The following ACBD5 variants were observed in gnomAD, a reference collection of about 807,000 sequenced individuals.
ACBD5 encodes acyl-CoA binding domain containing 5.
A neutral mutation model predicts 71.8 loss-of-function variants in ACBD5; 40 were observed. That is an observed-to-expected ratio of 0.56 (90% confidence interval 0.43 to 0.72). The LOEUF is 0.72. ACBD5 is among the 30% of genes least tolerant of loss of function. The pLI is 0.00. For synonymous variants in ACBD5, 229 were observed against 218.6 expected, an observed-to-expected ratio of 1.05 and a Z score of -0.42; for missense variants, 559 against 644.5, an observed-to-expected ratio of 0.87 and a Z score of 1.44.
At chr10:27,199,923 A>G (rs1027504272) in intron 12 of ACBD5, among the ~76,000 whole-genome samples, 9 of 151,958 alleles carry the variant, frequency 5.9e-5, no homozygotes, top group Non-Finnish European at 1.2e-4. Context: ...TGGGAGGCGG[A>G]GCTTGCAGTA....
In ACBD5 at chr10:27,215,648, A is replaced by G. The variant is rs2137255385; in HGVS notation, c.830-7T>C. Reference sequence around the variant, plus strand: ...ACATGATCATCATTTATATCTAAATATGAACAAAAGTGCAGATAGGGTAAT... The same window carrying G: ...ACATGATCATCATTTATATCTAAATGTGAACAAAAGTGCAGATAGGGTAAT... On this transcript the variant is annotated splice_region_variant and splice_polypyrimidine_tract_variant and intron_variant, in intron 7 of 12. Coordinates refer to ENST00000396271, the MANE Select transcript of ACBD5 (RefSeq NM_145698.5). 5.0e-6 allele frequency: 8 copies of G among 1,596,714 alleles called. No homozygotes were observed. The highest frequency in any genetic ancestry group is 6.0e-6 in the Non-Finnish European group (7 of 1,165,380).
chr10:27,204,588 T>C (rs1254213412), intron 11 of ACBD5, 39 bp from the exon 12 acceptor site: 1 of 1,413,848 alleles, frequency 7.1e-7, no homozygotes, highest in Non-Finnish European at 1.0e-6. Context: ...ATCTATTCAA[T>C]ACTGCATGTA....
chr10:27,241,325 A>T (rs927439418), upstream of ACBD5, among the ~76,000 whole-genome samples: 1 of 152,210 alleles, frequency 6.6e-6, no homozygotes, highest in Non-Finnish European at 1.5e-5. Context: ...GGCAATCGTG[A>T]CACCCACTCT....
downstream of ACBD5, among the ~76,000 whole-genome samples, chr10:27,192,341 G>A (rs1204406541): frequency 6.6e-6 from 1 of 151,980 alleles, no homozygotes; most frequent in Non-Finnish European, 1.5e-5. Context: ...AGATGGGGTG[G>A]CTTAAACACT....
chr10:27,194,036 A>T (rs372289303), downstream of ACBD5, among the ~76,000 whole-genome samples: 11 of 152,174 alleles, frequency 7.2e-5, no homozygotes, highest in East Asian at 1.5e-3. Flanking sequence ...GAATCACCTG[A>T]GGTTGGGAGT....
intron 12 of ACBD5, 73 bp from the exon 13 acceptor site, chr10:27,197,515 A>C: frequency 1.8e-6 from 2 of 1,125,118 alleles, no homozygotes; most frequent in Non-Finnish European, 2.6e-6. Context: ...TAACATAATA[A>C]TAATAACATA....
chr10:27,194,255 TA>T (rs58311546), downstream of ACBD5, among the ~76,000 whole-genome samples: 86,545 of 136,890 alleles, frequency 0.63, 27,809 homozygotes, highest in Non-Finnish European at 0.72. Flanking sequence ...CCGTCTCAAT[TA>T]AAAAAAAAAA....
At chr10:27,199,762 A>C (rs1470796381) in intron 12 of ACBD5, among the ~76,000 whole-genome samples, 2 of 152,134 alleles carry the variant, frequency 1.3e-5, no homozygotes, top group Admixed American at 1.3e-4. Context: ...CATGATAGCA[A>C]TTTAGGAATC....
At chr10:27,191,888 CA>C (rs1025870864), downstream of ACBD5, among the ~76,000 whole-genome samples, 3 of 143,892 alleles carry the variant, frequency 2.1e-5, no homozygotes, top group South Asian at 2.1e-4. Flanking sequence ...AACTCTGAAT[CA>C]AAAAAAAATA....
intron 4 of ACBD5, among the ~76,000 whole-genome samples, chr10:27,230,293 T>A (rs2063680862): frequency 6.6e-6 from 1 of 151,470 alleles, no homozygotes; most frequent in Admixed American, 6.6e-5. Flanking sequence ...CTATGAGCAA[T>A]GTAGAAGAAA....
intron 2 of ACBD5, among the ~76,000 whole-genome samples, chr10:27,236,884 C>CAAAAAAAAAAAAAAAAAAAAAAAAAAAA (rs5783998): frequency 1.1e-5 from 1 of 87,168 alleles, no homozygotes; most frequent in Non-Finnish European, 2.2e-5. Context: ...GACTTGGTCT[C>CAAAAAAAAAAAAAAAAAAAAAAAAAAAA]AAAAAAAAAA....
In ACBD5 at chr10:27,196,453, G is replaced by C. The variant is rs759124311; in HGVS notation, c.*977C>G. 114 of 454,360 alleles carry C rather than the reference G, an allele frequency of 2.5e-4. No homozygotes were observed. Among genetic ancestry groups the C allele is most frequent in the Non-Finnish European group, 4.1e-4 (94 of 226,796 alleles). 28.1% of individuals were successfully genotyped at this position (454,360 alleles called of 1,614,324 possible). ...TCCCTCCAGTACTCCTGTGAAGTAG[G>C]TGTATCTAAAATAGTATACCCCGAA... is the stretch of plus-strand genomic sequence containing the variant. On this transcript the variant is annotated 3_prime_UTR_variant, in exon 13 of 13. Transcript: ENST00000396271.
intron 8 of ACBD5, among the ~76,000 whole-genome samples, chr10:27,214,494 A>G (rs1035910817): frequency 7.9e-5 from 12 of 152,032 alleles, no homozygotes; most frequent in Non-Finnish European, 1.8e-4. Flanking sequence ...GGTGTGAGCC[A>G]CTGAGCCCAG....
upstream of ACBD5, among the ~76,000 whole-genome samples, chr10:27,241,847 T>G (rs2065534986): frequency 6.6e-6 from 1 of 152,140 alleles, no homozygotes. Context: ...CCCTGCGTCC[T>G]TAGGCATTTG....
intron 8 of ACBD5, among the ~76,000 whole-genome samples, chr10:27,212,737 C>T (rs541334779): frequency 2.0e-5 from 3 of 152,002 alleles, no homozygotes; most frequent in East Asian, 1.9e-4. Flanking sequence ...TTTGTAGAGA[C>T]GGGGTTTTGC....
chr10:27,228,811 ATATATTTTT>A (rs1237400045), intron 4 of ACBD5, among the ~76,000 whole-genome samples: 719 of 15,818 alleles, frequency 0.045, 6 homozygotes, highest in South Asian at 0.25. Flanking sequence ...ATATATATAT[ATATATTTTT>A]TTTTTTTTTT....
chr10:27,189,369 A>G (rs2058963346), intron 13 of ACBD5, among the ~76,000 whole-genome samples: 1 of 152,178 alleles, frequency 6.6e-6, no homozygotes, highest in Non-Finnish European at 1.5e-5. Context: ...GGCTGGGCAT[A>G]GTGGCTCACG....
Position 27,196,920 on chromosome 10 carries a change from C to T in ACBD5, c.*510G>A, listed in dbSNP as rs2136460401. The T allele has an allele frequency of 2.2e-6, 1 of 454,134 alleles. No homozygotes were observed. The highest frequency in any genetic ancestry group is 1.6e-5 in the South Asian group (1 of 64,480). 28.1% of individuals were successfully genotyped at this position (454,134 alleles called of 1,614,324 possible). A position where few individuals can be genotyped will look rare whatever the true frequency, so the allele number is the denominator to read the frequency against. Reference sequence around the variant, plus strand: ...CCACAAAGTGAATATGACCATTCTTCCTGTGGTTTTCTACTACATGCCATG... The same window carrying T: ...CCACAAAGTGAATATGACCATTCTTTCTGTGGTTTTCTACTACATGCCATG... On this transcript the variant is annotated 3_prime_UTR_variant, in exon 13 of 13. Transcript: ENST00000396271.
chr10:27,211,674 C>A (rs1241258781), intron 8 of ACBD5, among the ~76,000 whole-genome samples: 2 of 151,866 alleles, frequency 1.3e-5, no homozygotes, highest in Non-Finnish European at 2.9e-5. Context: ...TCTATGCTTA[C>A]CTTATTCTTA....
Sources: gnomAD v4.1 joint callset for allele counts (sites outside exome capture counted in the v4.1 genomes callset) on GRCh38, gnomAD v4.1.1 for gene constraint, MANE v1.5 for transcripts, NCBI Gene and HGNC (gene_info 2026-07-23, HGNC 2026-07-21) for gene names.